Variants in GULP1 observed in about 807,000 individuals in gnomAD.
The protein encoded by GULP1 is GULP PTB domain containing engulfment adaptor 1, also known as PTB domain-containing engulfment adapter protein 1.
Under a neutral mutation model 40.9 loss-of-function variants are expected in GULP1, and 19 were observed. That is an observed-to-expected ratio of 0.46 (90% CI 0.32 to 0.68). The LOEUF is 0.68. Among genes scored for constraint, GULP1 ranks in the 30% least tolerant of loss-of-function variants. GULP1 has a pLI of 0.03. For missense variants in GULP1, 312 were observed against 362.2 expected, an observed-to-expected ratio of 0.86 and a Z score of 1.12; for synonymous variants, 119 against 117.6, an observed-to-expected ratio of 1.01 and a Z score of -0.08.
At chr2:188,564,092 G>T (rs1469922722) in intron 7 of GULP1, among the ~76,000 whole-genome samples, 1 of 151,890 alleles carries the variant, frequency 6.6e-6, no homozygotes, top group Non-Finnish European at 1.5e-5. Flanking sequence ...TTTATAGCAT[G>T]CTAGGAATAG....
intron 2 of GULP1, among the ~76,000 whole-genome samples, chr2:188,466,990 G>A (rs1362531649): frequency 6.6e-6 from 1 of 151,970 alleles, no homozygotes; most frequent in Admixed American, 6.6e-5. Flanking sequence ...AAAAAAAGTA[G>A]CAGCTGTCCT....
rs571817267 is a variant in GULP1, at chr2:188,378,506, A to G, written c.-171-5257A>G. 9.9e-4 allele frequency among the ~76,000 whole-genome samples: 150 copies of G among 152,282 alleles called. 1 individual carries two copies. In the Middle Eastern group the frequency reaches 0.01, roughly 10 times the overall value. Reference sequence around the variant, plus strand: ...GGTAATTTATAAAGAAAAGACGTTTATTTGGCTCATGGTTCTGCAAGCTAT... The same window carrying G: ...GGTAATTTATAAAGAAAAGACGTTTGTTTGGCTCATGGTTCTGCAAGCTAT... On this transcript the variant is annotated intron_variant, in intron 1 of 11. Transcript: ENST00000409830.
At chr2:188,312,476 C>G (rs917194294) in intron 1 of GULP1, among the ~76,000 whole-genome samples, 2 of 152,160 alleles carry the variant, frequency 1.3e-5, no homozygotes, top group Non-Finnish European at 2.9e-5. Context: ...AGGACATGAT[C>G]TCATTCATTT....
At chr2:188,312,878 A>C (rs1382795242) in intron 1 of GULP1, among the ~76,000 whole-genome samples, 1 of 151,978 alleles carries the variant, frequency 6.6e-6, no homozygotes, top group African/African-American at 2.4e-5. Flanking sequence ...GGTGATGTTG[A>C]GCTTTTTTTC....
intron 2 of GULP1, among the ~76,000 whole-genome samples, chr2:188,406,144 CATATACCTATATGGT>C (rs1210687616): frequency 1.3e-5 from 2 of 152,104 alleles, no homozygotes; most frequent in Non-Finnish European, 2.9e-5. Context: ...CTGATTGCTA[CATATACCTATATGGT>C]ATATATCAAA....
chr2:188,301,749 T>A (rs1228910941), intron 1 of GULP1, among the ~76,000 whole-genome samples: 1 of 152,200 alleles, frequency 6.6e-6, no homozygotes, highest in Non-Finnish European at 1.5e-5. Context: ...CAAGGGAACA[T>A]TGGATGAGAA....
At chr2:188,488,415 A>G (rs2062047543) in intron 4 of GULP1, among the ~76,000 whole-genome samples, 2 of 152,214 alleles carry the variant, frequency 1.3e-5, no homozygotes, top group South Asian at 2.1e-4. Flanking sequence ...TAGGAGATTT[A>G]AGTGAGTTAA....
chr2:188,406,562 C>T (rs779824612), intron 2 of GULP1, among the ~76,000 whole-genome samples: 1 of 151,472 alleles, frequency 6.6e-6, no homozygotes, highest in Non-Finnish European at 1.5e-5. Context: ...CTGAAAAATA[C>T]AATTAATGAA....
At chr2:188,540,417 A>G (rs1362787840) in intron 6 of GULP1, among the ~76,000 whole-genome samples, 1 of 128,718 alleles carries the variant, frequency 7.8e-6, no homozygotes, top group East Asian at 2.3e-4. Flanking sequence ...CTTCTATTTT[A>G]TAAGTTTTAT....
chr2:188,313,601 T>C (rs1259629650), intron 1 of GULP1, among the ~76,000 whole-genome samples: 3 of 151,986 alleles, frequency 2.0e-5, no homozygotes, highest in African/African-American at 7.2e-5. Context: ...ATATGGGGTG[T>C]TCTTTGATTG....
chr2:188,591,656 G>C (rs1703569510), intron 11 of GULP1: 1 of 151,266 alleles, frequency 6.6e-6, no homozygotes, highest in East Asian at 1.9e-4. Context: ...AAAAGAGGAA[G>C]ATAGAAAACT....
At chr2:188,511,990 A>C (rs1253675374) in intron 4 of GULP1, among the ~76,000 whole-genome samples, 1 of 152,062 alleles carries the variant, frequency 6.6e-6, no homozygotes, top group Non-Finnish European at 1.5e-5. Context: ...GTTGATTCTG[A>C]CCCTGCTTTA....
chr2:188,467,986 T>C (rs543616556), intron 2 of GULP1, among the ~76,000 whole-genome samples: 10 of 152,300 alleles, frequency 6.6e-5, no homozygotes, highest in Non-Finnish European at 7.4e-5. Context: ...ATGTCTCTAT[T>C]TCCTTACTAG....
intron 6 of GULP1, among the ~76,000 whole-genome samples, chr2:188,534,577 C>T (rs186974569): frequency 7.2e-5 from 11 of 152,168 alleles, no homozygotes; most frequent in Non-Finnish European, 1.3e-4. Flanking sequence ...TTACCCAAAA[C>T]CTCAGCATCA....
chr2:188,340,413 C>T (rs752857667), intron 1 of GULP1, among the ~76,000 whole-genome samples: 16 of 152,256 alleles, frequency 1.1e-4, no homozygotes, highest in East Asian at 1.9e-4. Flanking sequence ...CTCTACCCCT[C>T]GCGGGAGGGG....
chr2:188,411,123 C>A (rs967348084), intron 2 of GULP1, among the ~76,000 whole-genome samples: 1 of 150,770 alleles, frequency 6.6e-6, no homozygotes, highest in Non-Finnish European at 1.5e-5. Context: ...ACTGGCTGAT[C>A]GGGGCATGGC....
intron 9 of GULP1, among the ~76,000 whole-genome samples, 169 bp downstream of exon 9, chr2:188,570,289 G>A (rs576073671): frequency 2.0e-4 from 31 of 152,274 alleles, no homozygotes; most frequent in Non-Finnish European, 3.7e-4. Context: ...AAATTACCTA[G>A]TCAGTTCAAA....
rs141385135 is a variant in GULP1 at position 188,323,138 on chromosome 2, G to A, written c.-172+30972G>A. On this transcript the variant is annotated intron_variant, in intron 1 of 11. Coordinates refer to ENST00000409830, the MANE Select transcript of GULP1 (RefSeq NM_016315.4). Reference sequence around the variant, plus strand: ...GTCTGTAAATATCGACACTCTTCCAGATCCAGCTCACATTTTGCCTCTCAC... The same window carrying A: ...GTCTGTAAATATCGACACTCTTCCAAATCCAGCTCACATTTTGCCTCTCAC... Among the ~76,000 whole-genome samples the A allele has an allele frequency of 3.9e-5, 6 of 152,036 alleles. No homozygotes were observed. In the South Asian group the frequency reaches 1.0e-3, roughly 26 times the overall value.
At chr2:188,416,391 C>T (rs2054585843) in intron 2 of GULP1, among the ~76,000 whole-genome samples, 1 of 152,120 alleles carries the variant, frequency 6.6e-6, no homozygotes, top group South Asian at 2.1e-4. Context: ...TGACTGAAAT[C>T]ACTGAATTGT....
Sources: gnomAD v4.1 joint callset for allele counts (sites outside exome capture counted in the v4.1 genomes callset) on GRCh38, gnomAD v4.1.1 for gene constraint, MANE v1.5 for transcripts, NCBI Gene and HGNC (gene_info 2026-07-23, HGNC 2026-07-21) for gene names.